HOOK3: variants seen among roughly 807,000 people sequenced by gnomAD.
HOOK3 encodes hook microtubule tethering protein 3.
Under a neutral mutation model 116.3 loss-of-function variants are expected in HOOK3, and 24 were observed. The ratio of observed to expected loss-of-function variants is 0.21; its 90% CI spans 0.15 to 0.29. The LOEUF (loss-of-function observed/expected upper bound fraction) is 0.29, where lower values mean the gene tolerates loss of function less well. HOOK3 is among the 10% of genes least tolerant of loss of function. The pLI is 1.00. For missense variants in HOOK3, 632 were observed against 830.2 expected (o/e 0.76, Z 2.93); for synonymous variants, 275 against 283.0 (o/e 0.97, Z 0.28).
At chr8:42,974,882 G>A (rs1013813431) in intron 13 of HOOK3, among the ~76,000 whole-genome samples, 1 of 152,142 alleles carries the variant, frequency 6.6e-6, no homozygotes, top group African/African-American at 2.4e-5. Flanking sequence ...CTAAGCCGTG[G>A]GTAAAACAAG....
chr8:42,909,524 A>T (rs1016395113), intron 2 of HOOK3, among the ~76,000 whole-genome samples: 1 of 152,194 alleles, frequency 6.6e-6, no homozygotes, highest in Non-Finnish European at 1.5e-5. Flanking sequence ...AGTGCAGTGG[A>T]TTGACCAGGG....
chr8:42,995,431 A>T (rs1389765842), intron 15 of HOOK3, among the ~76,000 whole-genome samples: 2 of 152,018 alleles, frequency 1.3e-5, no homozygotes, highest in Non-Finnish European at 2.9e-5. Context: ...CCCTTCTTCA[A>T]ATTTTTTATT....
In HOOK3 at chr8:42,944,713, C is replaced by T. The variant is rs1411003088; in HGVS notation, c.400+1268C>T. 3.4e-5 allele frequency among the ~76,000 whole-genome samples: 5 copies of T among 147,190 alleles called. No homozygotes were observed. The South Asian group carries it at 6.6e-4, about 19-fold the overall frequency. ...GGGCGCCTGTAATCCCAGCTGCTTG[C>T]GAGGCTGAGGCAGGAGAATCACTTG... On this transcript the variant is annotated intron_variant, in intron 5 of 21. Transcript: ENST00000307602.
chr8:42,967,187 T>A (rs1458386290), intron 10 of HOOK3, among the ~76,000 whole-genome samples: 1 of 152,106 alleles, frequency 6.6e-6, no homozygotes, highest in Admixed American at 6.6e-5. Context: ...GCTGGGTTCT[T>A]CCCAATGGCC....
intron 11 of HOOK3, among the ~76,000 whole-genome samples, chr8:42,971,690 AT>A (rs1808730608): frequency 6.6e-6 from 1 of 150,772 alleles, no homozygotes; most frequent in Admixed American, 6.6e-5. Context: ...TAATTAATTT[AT>A]TTATTTTGAG....
intron 17 of HOOK3, 62 bp from the exon 18 acceptor site, chr8:43,007,785 T>G (rs1046382611): frequency 3.9e-5 from 39 of 1,010,210 alleles, no homozygotes; most frequent in Non-Finnish European, 5.6e-5. Flanking sequence ...ACTCAGATCT[T>G]TAATTTGAAC....
At chr8:42,939,225 C>T (rs1329054346) in intron 4 of HOOK3, among the ~76,000 whole-genome samples, 2 of 152,234 alleles carry the variant, frequency 1.3e-5, no homozygotes, top group Non-Finnish European at 2.9e-5. Context: ...TCTCAATGAG[C>T]TATTGGGTAC....
intron 6 of HOOK3, among the ~76,000 whole-genome samples, chr8:42,956,143 A>C (rs1336433751): frequency 6.6e-6 from 1 of 152,124 alleles, no homozygotes; most frequent in East Asian, 1.9e-4. Flanking sequence ...GACAGTTGTC[A>C]TAACCAGAAT....
At chr8:42,964,869 G>A in intron 9 of HOOK3, among the ~76,000 whole-genome samples, 1 of 152,020 alleles carries the variant, frequency 6.6e-6, no homozygotes, top group Non-Finnish European at 1.5e-5. Flanking sequence ...AGGACTTCTG[G>A]GAAACTGCAG....
rs1563284120 is a variant in HOOK3, at chr8:42,897,173, G to A, written c.42G>A (p.Glu14=). ...VESLERAELC[E]SLLTWIQTFN... is the part of the protein sequence containing the mutation. Reference sequence around the variant, plus strand: ...CGCTGGAGCGGGCGGAGCTGTGCGAGAGCCTCCTCACTTGGGTACGTGGGG... The same window carrying A: ...CGCTGGAGCGGGCGGAGCTGTGCGAAAGCCTCCTCACTTGGGTACGTGGGG... The change falls in exon 1 of 22, where the codon GAG becomes GAA. Residue 14 remains glutamate (E), a synonymous_variant. Transcript: ENST00000307602. 1 of 1,249,122 alleles carries A rather than the reference G, an allele frequency of 8.0e-7. No individual in the cohort carries two copies. The highest frequency in any genetic ancestry group is 1.5e-5 in the African/African-American group (1 of 64,714). The allele number at this position is 1,249,122 out of a possible 1,614,324, so 77.4% of individuals were successfully genotyped here.
chr8:43,010,276 A>G (rs755070638), intron 18 of HOOK3, 29 bp from the exon 19 acceptor site: 1 of 537,026 alleles, frequency 1.9e-6, no homozygotes, highest in East Asian at 5.2e-5. Flanking sequence ...TTATCTAAAT[A>G]TATATATTTT....
At chr8:42,929,045 CA>C (rs1043342385) in intron 3 of HOOK3, among the ~76,000 whole-genome samples, 4 of 151,720 alleles carry the variant, frequency 2.6e-5, no homozygotes, top group Non-Finnish European at 4.4e-5. Context: ...GACTCTGTCT[CA>C]AAAAAATAAA....
At chr8:42,898,108 G>A (rs1175081639) in intron 1 of HOOK3, among the ~76,000 whole-genome samples, 1 of 152,258 alleles carries the variant, frequency 6.6e-6, no homozygotes. Context: ...CTCTTTAGCG[G>A]TGTCTTGGGT....
At chr8:42,950,498 G>A in intron 6 of HOOK3, 43 bp downstream of exon 6, 1 of 1,241,614 alleles carries the variant, frequency 8.1e-7, no homozygotes, top group Non-Finnish European at 1.2e-6. Flanking sequence ...AAAATTAAAG[G>A]AGTAAACATG....
At chr8:42,942,880 C>T (rs972504433) in intron 4 of HOOK3, among the ~76,000 whole-genome samples, 8 of 152,118 alleles carry the variant, frequency 5.3e-5, no homozygotes, top group African/African-American at 1.7e-4. Flanking sequence ...TCCTTCCTGA[C>T]GTAGGTATTT....
intron 3 of HOOK3, 94 bp from the exon 4 acceptor site, chr8:42,930,020 ATGATTAAC>A: frequency 1.0e-6 from 1 of 973,854 alleles, no homozygotes; most frequent in East Asian, 2.9e-5. Context: ...TATTTACTTT[ATGATTAAC>A]TGCAGTGATT....
At chr8:42,991,847 C>T (rs913471552) in intron 15 of HOOK3, among the ~76,000 whole-genome samples, 4 of 152,088 alleles carry the variant, frequency 2.6e-5, no homozygotes, top group African/African-American at 9.7e-5. Context: ...CCTTTGCCTC[C>T]CTAAGAGCTA....
rs751142472 is a variant in HOOK3, at chr8:42,968,018, C to T, written c.926C>T (p.Ser309Phe). The change falls in exon 11 of 22, where the codon TCT becomes TTT. Residue 309 changes from serine (S) to phenylalanine (F), a missense_variant. Transcript: ENST00000307602. ...LKDEIDVLRH[S>F]SDKVSKLEGQ... The stretch of plus-strand genomic sequence containing the variant: ...AATTTCCCATCTAATTCTAGACATT[C>T]TTCTGATAAAGTATCTAAACTAGAA... 6.6e-7 allele frequency: 1 copy of T among 1,523,404 alleles called. No individual in the cohort carries two copies. Among genetic ancestry groups the T allele is most frequent in the Non-Finnish European group, 9.1e-7 (1 of 1,100,152 alleles). The allele number at this position is 1,523,404 out of a possible 1,614,324, so 94.4% of individuals were successfully genotyped here. A position where few individuals can be genotyped will look rare whatever the true frequency, so the allele number is the denominator to read the frequency against.
At chr8:42,983,008 T>G (rs1808980653) in intron 14 of HOOK3, among the ~76,000 whole-genome samples, 1 of 152,190 alleles carries the variant, frequency 6.6e-6, no homozygotes, top group Non-Finnish European at 1.5e-5. Context: ...TATGCTTAGC[T>G]ATAAGCATGC....
Sources: gnomAD v4.1 joint callset for allele counts (sites outside exome capture counted in the v4.1 genomes callset) on GRCh38, gnomAD v4.1.1 for gene constraint, MANE v1.5 for transcripts, NCBI Gene and HGNC (gene_info 2026-07-23, HGNC 2026-07-21) for gene names.